The following KHDRBS2 variants were observed in gnomAD, a reference collection of about 807,000 sequenced individuals.
KHDRBS2 encodes KH domain-containing, RNA-binding, signal transduction-associated protein 2.
KHDRBS2 carries 26 observed loss-of-function variants against 44.3 expected under a neutral mutation model. The ratio of observed to expected loss-of-function variants is 0.59; its 90% CI spans 0.43 to 0.81. The LOEUF (loss-of-function observed/expected upper bound fraction) is 0.81. Among genes scored for constraint, KHDRBS2 ranks in the 40% least tolerant of loss-of-function variants. KHDRBS2 has a pLI of 0.00. For missense variants in KHDRBS2, 476 were observed against 433.1 expected (o/e 1.10, Z -0.88); for synonymous variants, 194 against 151.1 (o/e 1.28, Z -2.08).
intron 3 of KHDRBS2, among the ~76,000 whole-genome samples, chr6:61,998,538 G>C (rs1408842568): frequency 1.3e-5 from 2 of 152,058 alleles, no homozygotes; most frequent in African/African-American, 2.4e-5. Flanking sequence ...TCCCAGAATG[G>C]AAAACACGTT....
intron 7 of KHDRBS2, among the ~76,000 whole-genome samples, chr6:61,707,056 A>G (rs1769706707): frequency 6.6e-6 from 1 of 151,834 alleles, no homozygotes; most frequent in South Asian, 2.1e-4. Context: ...GTGGTTGGGA[A>G]AGTCTTTACA....
chr6:61,669,224 CA>C, the KHDRBS2 span, among the ~76,000 whole-genome samples: 2 of 150,848 alleles, frequency 1.3e-5, no homozygotes, highest in Admixed American at 1.3e-4. Flanking sequence ...CTCAAAAACA[CA>C]ACAGTCTTGA....
chr6:61,956,857 C>T (rs1767454290), intron 4 of KHDRBS2, among the ~76,000 whole-genome samples: 1 of 151,846 alleles, frequency 6.6e-6, no homozygotes. Context: ...AGTTAAGTCG[C>T]TTAGAATAGC....
At chr6:61,638,585 G>A in the KHDRBS2 span, among the ~76,000 whole-genome samples, 89,740 of 151,804 alleles carry the variant, frequency 0.59, 26,729 homozygotes, top group African/African-American at 0.61. Flanking sequence ...ACCATTCAGG[G>A]CATAGGCATG....
At chr6:62,006,223 C>A (rs1779183029) in intron 3 of KHDRBS2, among the ~76,000 whole-genome samples, 1 of 151,920 alleles carries the variant, frequency 6.6e-6, no homozygotes, top group African/African-American at 2.4e-5. Flanking sequence ...ACTACAGAGA[C>A]TGACACAGAC....
At chr6:62,240,339 T>A (rs1314872621) in intron 1 of KHDRBS2, among the ~76,000 whole-genome samples, 1 of 151,970 alleles carries the variant, frequency 6.6e-6, no homozygotes, top group Non-Finnish European at 1.5e-5. Flanking sequence ...AGGCTCATCT[T>A]GTATACATTC....
At chr6:61,921,779 T>C (rs749436705) in intron 4 of KHDRBS2, among the ~76,000 whole-genome samples, 2 of 152,142 alleles carry the variant, frequency 1.3e-5, no homozygotes, top group East Asian at 3.9e-4. Context: ...TATAATTCTA[T>C]GATTATCATT....
chr6:62,108,841 C>T (rs1804241465), intron 2 of KHDRBS2, among the ~76,000 whole-genome samples: 1 of 152,016 alleles, frequency 6.6e-6, no homozygotes, highest in Non-Finnish European at 1.5e-5. Context: ...CAAACTATCG[C>T]AAGGACAAAA....
At chr6:61,588,879 C>T in the KHDRBS2 span, among the ~76,000 whole-genome samples, 24 of 152,176 alleles carry the variant, frequency 1.6e-4, no homozygotes, top group African/African-American at 2.4e-4. Context: ...TGGAATACAA[C>T]GCAGCCATAA....
Position 61,793,414 on chromosome 6 carries a change from A to T in KHDRBS2, c.811-60650T>A, listed in dbSNP as rs1784887830. 2.6e-5 allele frequency among the ~76,000 whole-genome samples: 4 copies of T among 152,054 alleles called. No individual in the cohort carries two copies. The South Asian group carries it at 8.3e-4, about 32-fold the overall frequency. On this transcript the variant is annotated intron_variant, in intron 6 of 8. Coordinates refer to ENST00000281156, the MANE Select transcript of KHDRBS2 (RefSeq NM_152688.4). ...ATAAGACACAAATATCTCAATTATT[A>T]AGGAATACTATGTTTATGGATGCCT... is the stretch of plus-strand genomic sequence containing the variant.
chr6:62,066,466 G>C (rs537636671), intron 2 of KHDRBS2, among the ~76,000 whole-genome samples: 2 of 151,608 alleles, frequency 1.3e-5, no homozygotes, highest in South Asian at 4.1e-4. Flanking sequence ...CTTTAAATGA[G>C]CCATAATGGA....
intron 3 of KHDRBS2, among the ~76,000 whole-genome samples, chr6:62,035,025 T>C (rs908828806): frequency 1.9e-4 from 29 of 151,968 alleles, no homozygotes; most frequent in African/African-American, 6.8e-4. Context: ...AAGGGAAGCT[T>C]TGTACACCTT....
intron 3 of KHDRBS2, among the ~76,000 whole-genome samples, chr6:62,026,328 AAT>A (rs1783299969): frequency 6.6e-6 from 1 of 151,658 alleles, no homozygotes; most frequent in Admixed American, 6.6e-5. Context: ...AACAGTATAC[AAT>A]ATTCCCTTAG....
At chr6:61,849,312 T>C (rs1320558936) in intron 6 of KHDRBS2, among the ~76,000 whole-genome samples, 5 of 152,128 alleles carry the variant, frequency 3.3e-5, no homozygotes, top group Non-Finnish European at 4.4e-5. Flanking sequence ...GTTCCTGTGA[T>C]ATTTGTCTGA....
chr6:62,191,108 T>TA (rs754167001), intron 1 of KHDRBS2, among the ~76,000 whole-genome samples: 17 of 152,184 alleles, frequency 1.1e-4, no homozygotes, highest in Non-Finnish European at 2.9e-5. Flanking sequence ...TCCCTGGCTG[T>TA]ACTAAGCATT....
the KHDRBS2 span, among the ~76,000 whole-genome samples, chr6:61,666,859 A>C: frequency 6.6e-6 from 1 of 151,350 alleles, no homozygotes; most frequent in Admixed American, 6.6e-5. Flanking sequence ...AATTAGATCA[A>C]ATAGTAGAAT....
intron 6 of KHDRBS2, among the ~76,000 whole-genome samples, chr6:61,767,363 T>C (rs1780165824): frequency 6.6e-6 from 1 of 152,132 alleles, no homozygotes; most frequent in African/African-American, 2.4e-5. Flanking sequence ...AGTTAAAGTG[T>C]GTTTCATGTA....
intron 3 of KHDRBS2, among the ~76,000 whole-genome samples, chr6:61,994,086 G>C (rs1400582452): frequency 6.6e-6 from 1 of 152,108 alleles, no homozygotes; most frequent in African/African-American, 2.4e-5. Context: ...TGGCAGGAAT[G>C]CAGCTGTTAT....
At chr6:62,080,947 C>T (rs566226511) in intron 2 of KHDRBS2, among the ~76,000 whole-genome samples, 1 of 152,242 alleles carries the variant, frequency 6.6e-6, no homozygotes, top group South Asian at 2.1e-4. Context: ...CTTCCTTTGT[C>T]CCTCTAGGCC....
Sources: allele counts gnomAD v4.1 joint callset (sites outside exome capture counted in the v4.1 genomes callset), GRCh38; gene constraint gnomAD v4.1.1; transcripts MANE v1.5; gene names NCBI Gene and HGNC (gene_info 2026-07-23, HGNC 2026-07-21).